The following PAQR3 variants were observed in gnomAD, a reference collection of about 807,000 sequenced individuals.
PAQR3 encodes Raf kinase trapping to Golgi.
Under a neutral mutation model 41.7 loss-of-function variants are expected in PAQR3, and 39 were observed. That is an observed-to-expected ratio of 0.93 (90% CI 0.72 to 1.22). The LOEUF (loss-of-function observed/expected upper bound fraction) is 1.22. PAQR3 is among the 50% of genes most tolerant of loss of function. The pLI is 0.00. For missense variants in PAQR3, 366 were observed against 385.6 expected, an observed-to-expected ratio of 0.95 and a Z score of 0.42; for synonymous variants, 140 against 140.6, an observed-to-expected ratio of 1.00 and a Z score of 0.03.
At chr4:78,911,222 A>G (rs752376787), downstream of PAQR3, 6 of 1,613,980 alleles carry the variant, frequency 3.7e-6, no homozygotes, top group Non-Finnish European at 4.2e-6. Flanking sequence ...GGACTGGAGC[A>G]GGAGGAATTT....
rs1734669774 is a variant in PAQR3 at position 78,912,141 on chromosome 4, A to T, written c.*8398T>A. The T allele has an allele frequency of 1.2e-5, 12 of 968,072 alleles. No individual in the cohort carries two copies. Among genetic ancestry groups the T allele is most frequent in the Admixed American group, 2.3e-5 (1 of 42,726 alleles). The allele number at this position is 968,072 out of a possible 1,614,324, so 60.0% of individuals were successfully genotyped here. ...CTCTTTATAGCATTCATTCTTAAAG[A>T]TCAGTCAGAATAGGTGATTTCTAAA... On this transcript the variant is annotated 3_prime_UTR_variant, in exon 6 of 6. Transcript: ENST00000512733.
chr4:78,918,562 G>A lies in PAQR3; in HGVS notation c.*1977C>T. On this transcript the variant is annotated 3_prime_UTR_variant, in exon 6 of 6. Transcript: ENST00000512733. The stretch of plus-strand genomic sequence containing the variant: ...TTTACATGGAATAATTTTCCCTACA[G>A]AAAGACCTGTACACCCTTTAAATTC... 1 of 975,314 alleles carries A rather than the reference G, an allele frequency of 1.0e-6. No individual in the cohort carries two copies. The highest frequency in any genetic ancestry group is 1.2e-6 in the Non-Finnish European group (1 of 820,466). 60.4% of individuals were successfully genotyped at this position (975,314 alleles called of 1,614,324 possible). A position where few individuals can be genotyped will look rare whatever the true frequency, so the allele number is the denominator to read the frequency against.
chr4:78,899,663 T>A (rs968308897), intron 11 of PAQR3, among the ~76,000 whole-genome samples: 30 of 152,096 alleles, frequency 2.0e-4, no homozygotes, highest in African/African-American at 6.8e-4. Flanking sequence ...GAATTTTTTT[T>A]TTTTTTCCCA....
chr4:78,916,449 C>T lies in PAQR3; in HGVS notation c.*4090G>A, dbSNP rs1368411529. 1 of 151,848 alleles carries T rather than the reference C, an allele frequency of 6.6e-6. No homozygotes were observed. Among genetic ancestry groups the T allele is most frequent in the Admixed American group, 6.6e-5 (1 of 15,198 alleles). 9.4% of individuals were successfully genotyped at this position (151,848 alleles called of 1,614,324 possible). A position where few individuals can be genotyped will look rare whatever the true frequency, so the allele number is the denominator to read the frequency against. Reference sequence around the variant, plus strand: ...TATTCAAATTCAGTTATTTCATTCACACCACAAACATTAAGCACCTATTAT... The same window carrying T: ...TATTCAAATTCAGTTATTTCATTCATACCACAAACATTAAGCACCTATTAT... On this transcript the variant is annotated 3_prime_UTR_variant, in exon 6 of 6. Transcript: ENST00000512733.
At chr4:78,897,452 A>C (rs945970677) in intron 11 of PAQR3, among the ~76,000 whole-genome samples, 1 of 152,158 alleles carries the variant, frequency 6.6e-6, no homozygotes, top group Non-Finnish European at 1.5e-5. Flanking sequence ...TGAATTAAAA[A>C]TTTATAATGA....
At chr4:78,889,479 C>CT (rs1160968400) in intron 11 of PAQR3, among the ~76,000 whole-genome samples, 1 of 152,090 alleles carries the variant, frequency 6.6e-6, no homozygotes, top group Non-Finnish European at 1.5e-5. Context: ...TATATTGCTA[C>CT]TTATTATAAA....
At chr4:78,908,461 C>T (rs1560558180), downstream of PAQR3, among the ~76,000 whole-genome samples, 1 of 152,196 alleles carries the variant, frequency 6.6e-6, no homozygotes, top group Non-Finnish European at 1.5e-5. Context: ...TCATCTTCCT[C>T]TGCTGACTTC....
chr4:78,905,186 T>C (rs1734226721), intron 11 of PAQR3, among the ~76,000 whole-genome samples: 1 of 151,894 alleles, frequency 6.6e-6, no homozygotes, highest in Non-Finnish European at 1.5e-5. Flanking sequence ...TTACAGATAT[T>C]GGTTGATCAT....
chr4:78,902,714 C>A (rs1403758924), intron 11 of PAQR3, among the ~76,000 whole-genome samples: 3 of 152,044 alleles, frequency 2.0e-5, no homozygotes, highest in African/African-American at 7.2e-5. Flanking sequence ...AAATGTACCA[C>A]CTGTTTTATA....
At position 78,919,063 on chromosome 4, in the gene PAQR3, G is replaced by A. The variant is rs756850880; in HGVS notation, c.*1476C>T. The A allele has an allele frequency of 4.2e-5, 41 of 984,998 alleles. No individual in the cohort carries two copies. Among genetic ancestry groups the A allele is most frequent in the Non-Finnish European group, 4.8e-5 (40 of 829,708 alleles). 61.0% of individuals were successfully genotyped at this position (984,998 alleles called of 1,614,324 possible). A position where few individuals can be genotyped will look rare whatever the true frequency, so the allele number is the denominator to read the frequency against. On this transcript the variant is annotated 3_prime_UTR_variant, in exon 6 of 6. Coordinates refer to ENST00000512733, the MANE Select transcript of PAQR3 (RefSeq NM_001040202.2). ...TGCTGAGATACTATACTAGCATGGG[G>A]AATTTATATTCCAAAAACACTACAC... is the stretch of plus-strand genomic sequence containing the variant.
At chr4:78,911,782 C>T (rs369782458), downstream of PAQR3, 1 of 1,613,876 alleles carries the variant, frequency 6.2e-7, no homozygotes, top group African/African-American at 1.3e-5. Flanking sequence ...TTCTCCAGAC[C>T]TGTCATGGCA....
intron 11 of PAQR3, among the ~76,000 whole-genome samples, chr4:78,900,854 A>G (rs1733962839): frequency 6.6e-6 from 1 of 152,212 alleles, no homozygotes; most frequent in African/African-American, 2.4e-5. Context: ...GCTATATGCA[A>G]ATGTTATGTT....
intron 11 of PAQR3, among the ~76,000 whole-genome samples, chr4:78,888,945 G>A (rs1052835314): frequency 2.6e-5 from 4 of 152,168 alleles, no homozygotes; most frequent in African/African-American, 9.7e-5. Flanking sequence ...TAATGGGCCG[G>A]GCGCGGTGGC....
chr4:78,891,369 C>T (rs890642885), intron 11 of PAQR3, among the ~76,000 whole-genome samples: 1 of 152,120 alleles, frequency 6.6e-6, no homozygotes, highest in African/African-American at 2.4e-5. Context: ...AGATGTTGTA[C>T]CTTTTATTCA....
At chr4:78,937,895 C>T (rs1334990459) in intron 1 of PAQR3, among the ~76,000 whole-genome samples, 1 of 152,158 alleles carries the variant, frequency 6.6e-6, no homozygotes, top group Non-Finnish European at 1.5e-5. Context: ...TTGTGGAACT[C>T]CAGATCCACA....
intron 2 of PAQR3, among the ~76,000 whole-genome samples, chr4:78,930,801 A>AT (rs1025728099): frequency 6.6e-6 from 1 of 151,932 alleles, no homozygotes; most frequent in African/African-American, 2.4e-5. Context: ...CAGTGATAAC[A>AT]TTTTTTATGT....
In PAQR3 at chr4:78,920,673, T is replaced by G. The variant is rs1048872578; in HGVS notation, c.802A>C (p.Asn268His). The G allele has an allele frequency of 8.1e-6, 13 of 1,603,774 alleles. No homozygotes were observed. Among genetic ancestry groups the G allele is most frequent in the Non-Finnish European group, 1.1e-5 (13 of 1,174,482 alleles). Residue 268 changes from asparagine (N) to histidine (H), a missense_variant, in exon 6 of 6, where the codon AAC becomes CAC. Asn to His is a moderately conservative substitution (Grantham distance 68, BLOSUM62 1). Transcript: ENST00000512733. ...VPERYFPGQL[N>H]YLGSSHQIWH... is the part of the protein sequence containing the mutation. ...ATTTGGTGGCTTGATCCGAGGTAGTTTAGTTGTCCTGGAAAGAAGGTAGAA... is the reference window on the plus strand; with the variant it reads ...ATTTGGTGGCTTGATCCGAGGTAGTGTAGTTGTCCTGGAAAGAAGGTAGAA...
rs1339755791 is a variant in PAQR3, at chr4:78,919,905, TCTC to T, written c.*631_*633del. ...AGAAAATGAGAAGTTCTTTTCCTCT[TCTC>T]AACCCTTCTCTCAACTTACTGCAGA... On this transcript the variant is annotated 3_prime_UTR_variant, in exon 6 of 6. Coordinates refer to ENST00000512733, the MANE Select transcript of PAQR3 (RefSeq NM_001040202.2). 9.1e-6 allele frequency: 9 copies of T among 985,286 alleles called. No individual in the cohort carries two copies. The highest frequency in any genetic ancestry group is 1.1e-5 in the Non-Finnish European group (9 of 829,630). The allele number at this position is 985,286 out of a possible 1,614,324, so 61.0% of individuals were successfully genotyped here.
At chr4:78,909,368 T>TC (rs578146880), downstream of PAQR3, among the ~76,000 whole-genome samples, 207 of 55,522 alleles carry the variant, frequency 3.7e-3, 2 homozygotes, top group African/African-American at 0.011. Flanking sequence ...CAGTCATTTT[T>TC]TTTTATGTAA....
Sources: gnomAD v4.1 joint callset for allele counts (sites outside exome capture counted in the v4.1 genomes callset) on GRCh38, gnomAD v4.1.1 for gene constraint, MANE v1.5 for transcripts, NCBI Gene and HGNC (gene_info 2026-07-23, HGNC 2026-07-21) for gene names.